Variants in LINGO3 observed in about 807,000 individuals in gnomAD.
The protein encoded by LINGO3 is leucine-rich repeat and immunoglobulin-like domain-containing nogo receptor-interacting protein 3.
For synonymous variants in LINGO3, 427 were observed against 444.2 expected (o/e 0.96, Z 0.49); for missense variants, 750 against 867.7 (o/e 0.86, Z 1.70).
chr19:2,294,038 T>C (rs1380664484), upstream of LINGO3, among the ~76,000 whole-genome samples: 1 of 151,274 alleles, frequency 6.6e-6, no homozygotes, highest in East Asian at 2.0e-4. This position sits in a 1 kb window ranked among gnomAD's most constrained non-coding sequence, Gnocchi z 4.3. Flanking sequence ...GGCAACAGAG[T>C]GAGACTGTCT....
At position 2,290,187 on chromosome 19, in the gene LINGO3, G is replaced by A. The variant is rs776480078; in HGVS notation, c.1590C>T (p.Ser530=). 3.7e-6 allele frequency: 6 copies of A among 1,611,614 alleles called. No individual in the cohort carries two copies. In the Admixed American group the frequency reaches 6.7e-5, roughly 18 times the overall value. Residue 530 remains serine, a synonymous_variant, in exon 1 of 1, where the codon TCC becomes TCT. Transcript: ENST00000585527. This position sits in a 1 kb window ranked among gnomAD's most constrained non-coding sequence, Gnocchi z 6.0. ...GGAAGGTGATGCAGCCCATGGCGGT[G>A]GACACCAGGATGGTGGTGAGGTCGA...
At chr19:2,295,240 A>T (rs1346020420), upstream of LINGO3, among the ~76,000 whole-genome samples, 1 of 152,138 alleles carries the variant, frequency 6.6e-6, no homozygotes. Flanking sequence ...TATAAGAGGG[A>T]AATCTGGACA....
downstream of LINGO3, among the ~76,000 whole-genome samples, chr19:2,288,059 T>C (rs1282312431): frequency 6.6e-6 from 1 of 152,184 alleles, no homozygotes; most frequent in Non-Finnish European, 1.5e-5. This position sits in a 1 kb window ranked among gnomAD's most constrained non-coding sequence, Gnocchi z 6.5. Flanking sequence ...GTCTGGTGCC[T>C]GAATCCTTCT....
At chr19:2,291,169 A>G in exon 1 of LINGO3, 1 of 1,607,492 alleles carries the variant, frequency 6.2e-7, no homozygotes, top group Admixed American at 1.7e-5. Flanking sequence ...GCGCAGCCGC[A>G]GGGCGCCCAG....
chr19:2,300,303 A>C, the LINGO3 span, among the ~76,000 whole-genome samples: 1 of 151,904 alleles, frequency 6.6e-6, no homozygotes, highest in Non-Finnish European at 1.5e-5. Context: ...AGGTGCTAGG[A>C]TGACAGGTAT....
At chr19:2,291,152 C>A in exon 1 of LINGO3, 1 of 1,606,962 alleles carries the variant, frequency 6.2e-7, no homozygotes, top group Non-Finnish European at 8.5e-7. Flanking sequence ...GAGGCGATGG[C>A]CAGGTGGCGC....
the LINGO3 span, among the ~76,000 whole-genome samples, chr19:2,307,618 C>G: frequency 6.6e-6 from 1 of 152,320 alleles, no homozygotes; most frequent in East Asian, 1.9e-4. Context: ...CGGTGTGGAC[C>G]CCAGATACCC....
At chr19:2,294,798 G>T (rs2025558279), upstream of LINGO3, among the ~76,000 whole-genome samples, 1 of 152,068 alleles carries the variant, frequency 6.6e-6, no homozygotes, top group Non-Finnish European at 1.5e-5. The surrounding 1 kb of genome is among the most constrained non-coding windows in gnomAD (Gnocchi z 4.3). Context: ...GATTCTGGGG[G>T]CTGGGGTGGC....
At chr19:2,304,073 C>T in the LINGO3 span, among the ~76,000 whole-genome samples, 2 of 152,204 alleles carry the variant, frequency 1.3e-5, no homozygotes, top group African/African-American at 4.8e-5. Context: ...GGGTCAGGAG[C>T]CCAGAGTCCT....
At chr19:2,303,625 C>T in the LINGO3 span, among the ~76,000 whole-genome samples, 3 of 152,216 alleles carry the variant, frequency 2.0e-5, no homozygotes, top group African/African-American at 2.4e-5. Context: ...AAGAGCATGG[C>T]GAGATCTGGG....
At chr19:2,302,747 C>T in the LINGO3 span, among the ~76,000 whole-genome samples, 2 of 152,262 alleles carry the variant, frequency 1.3e-5, no homozygotes, top group East Asian at 1.9e-4. Flanking sequence ...GCACGACCAG[C>T]CGCAGCTGAG....
downstream of LINGO3, among the ~76,000 whole-genome samples, chr19:2,288,902 C>G (rs958864434): frequency 6.6e-6 from 1 of 151,394 alleles, no homozygotes; most frequent in Non-Finnish European, 1.5e-5. This position sits in a 1 kb window ranked among gnomAD's most constrained non-coding sequence, Gnocchi z 6.5. Context: ...TCACGAGAGC[C>G]CTGCCTGCCT....
chr19:2,293,734 C>T (rs2145089961), upstream of LINGO3, among the ~76,000 whole-genome samples: 1 of 150,900 alleles, frequency 6.6e-6, no homozygotes, highest in South Asian at 2.1e-4. Flanking sequence ...ATCTCAGACC[C>T]TGTTGTAGGT....
chr19:2,289,645 T>G, downstream of LINGO3: 1 of 248,320 alleles, frequency 4.0e-6, no homozygotes, highest in Non-Finnish European at 7.8e-6. Context: ...GCCTCCTGGG[T>G]GTGAATTGCG....
the LINGO3 span, among the ~76,000 whole-genome samples, chr19:2,306,520 G>A: frequency 2.0e-5 from 3 of 152,172 alleles, no homozygotes; most frequent in Admixed American, 1.3e-4. Flanking sequence ...TTCAGGTCCC[G>A]GCTTACCCTG....
chr19:2,294,190 C>T (rs10403804), upstream of LINGO3, among the ~76,000 whole-genome samples: 2,205 of 152,290 alleles, frequency 0.014, 46 homozygotes, highest in African/African-American at 0.05. The surrounding 1 kb of genome is among the most constrained non-coding windows in gnomAD (Gnocchi z 4.3). Flanking sequence ...TCCAACGACT[C>T]CTGTCCTTAC....
At chr19:2,291,572 G>A (rs1407621433) in exon 1 of LINGO3, 9 of 1,574,292 alleles carry the variant, frequency 5.7e-6, no homozygotes, top group Non-Finnish European at 7.7e-6. Context: ...CCCGGGTTCA[G>A]GCAGCGGATG....
In LINGO3 at chr19:2,290,416, G is replaced by C; in HGVS notation, c.1361C>G (p.Ala454Gly). Residue 454 changes from alanine to glycine, a missense_variant, in exon 1 of 1, where the codon GCG (alanine) becomes GGG (glycine). By Grantham distance (60) the Ala-to-Gly change is moderately conservative. Transcript: ENST00000585527. This position sits in a 1 kb window ranked among gnomAD's most constrained non-coding sequence, Gnocchi z 6.0. The stretch of plus-strand genomic sequence containing the variant: ...CCCGGGGAGCACGCGCGCCCGGCCC[G>C]CGCTGGTGGCCGTCACCGGCCGGTG... The C allele has an allele frequency of 7.0e-7, 1 of 1,420,320 alleles. No individual in the cohort carries two copies. The highest frequency in any genetic ancestry group is 9.1e-7 in the Non-Finnish European group (1 of 1,095,496). The allele number at this position is 1,420,320 out of a possible 1,614,324, so 88.0% of individuals were successfully genotyped here.
the LINGO3 span, among the ~76,000 whole-genome samples, chr19:2,303,183 T>C: frequency 1.3e-5 from 2 of 152,226 alleles, no homozygotes; most frequent in Admixed American, 6.5e-5. Flanking sequence ...TCTCTGCGAA[T>C]TGGCCCGTCT....
Sources: gnomAD v4.1 joint callset for allele counts (sites outside exome capture counted in the v4.1 genomes callset) on GRCh38, gnomAD v4.1.1 for gene constraint, Gnocchi (gnomAD v3.1) non-coding constraint, MANE v1.5 for transcripts, NCBI Gene and HGNC (gene_info 2026-07-23, HGNC 2026-07-21) for gene names.